DENND5A: variants seen among roughly 807,000 people sequenced by gnomAD.
DENND5A encodes DENN domain containing 5A, also known as DENN domain-containing protein 5A.
Under a neutral mutation model 140.3 loss-of-function variants are expected in DENND5A, and 64 were observed. The observed-to-expected ratio is 0.46, with a 90% confidence interval of 0.37 to 0.56. The LOEUF is 0.56. Among genes scored for constraint, DENND5A ranks in the 20% least tolerant of loss-of-function variants. DENND5A has a pLI of 0.00. For missense variants in DENND5A, 1,292 were observed against 1,593.8 expected, an observed-to-expected ratio of 0.81 and a Z score of 3.22; for synonymous variants, 605 against 607.7, an observed-to-expected ratio of 1.00 and a Z score of 0.07.
chr11:9,238,446 C>T (rs896606990), intron 1 of DENND5A, among the ~76,000 whole-genome samples: 1 of 149,216 alleles, frequency 6.7e-6, no homozygotes, highest in African/African-American at 2.5e-5. Context: ...TTTTGAGATG[C>T]AGTCGCGCTC....
In DENND5A at chr11:9,227,912, G is replaced by A. The variant is rs186931876; in HGVS notation, c.110-20280C>T. On this transcript the variant is annotated intron_variant, in intron 1 of 22. Coordinates refer to ENST00000328194, the MANE Select transcript of DENND5A (RefSeq NM_015213.4). ...GCGAATCACGAGGTCAGGGGTTCGA[G>A]ACCAACCTGGCCAACATGGTGAAAC... 3.4e-3 allele frequency among the ~76,000 whole-genome samples: 522 copies of A among 151,962 alleles called. 2 individuals are homozygous for A. The highest frequency in any genetic ancestry group is 0.012 in the African/African-American group (498 of 41,446).
chr11:9,145,642 CAG>C (rs1847404701), intron 17 of DENND5A, 26 bp downstream of exon 17: 1 of 1,613,328 alleles, frequency 6.2e-7, no homozygotes, highest in Non-Finnish European at 8.5e-7. Flanking sequence ...CAGATCCCCA[CAG>C]AGCTGTGGCC....
intron 1 of DENND5A, 92 bp from the exon 2 acceptor site, chr11:9,207,724 T>C (rs1176472775): frequency 1.1e-6 from 1 of 944,906 alleles, no homozygotes; most frequent in Non-Finnish European, 1.7e-6. Flanking sequence ...ACATTTTACA[T>C]TATGAAACAA....
intron 16 of DENND5A, 78 bp from the exon 17 acceptor site, chr11:9,145,893 AGGAAGGC>A (rs1847416393): frequency 1.3e-6 from 2 of 1,514,040 alleles, no homozygotes; most frequent in African/African-American, 2.7e-5. Context: ...GACCTGCTCC[AGGAAGGC>A]TGGCACAACT....
chr11:9,235,563 T>C (rs1850964047), intron 1 of DENND5A, among the ~76,000 whole-genome samples: 1 of 149,764 alleles, frequency 6.7e-6, no homozygotes, highest in Admixed American at 6.7e-5. Context: ...GAGGCTAAGA[T>C]AGGAGAATTG....
At chr11:9,184,132 C>T (rs932798343) in intron 5 of DENND5A, among the ~76,000 whole-genome samples, 1 of 152,020 alleles carries the variant, frequency 6.6e-6, no homozygotes, top group Non-Finnish European at 1.5e-5. Flanking sequence ...GCGGGCGCAT[C>T]ACAAGGTCAG....
chr11:9,207,365 T>C (rs780833108), intron 2 of DENND5A, among the ~76,000 whole-genome samples, 196 bp downstream of exon 2: 4 of 152,000 alleles, frequency 2.6e-5, no homozygotes, highest in Non-Finnish European at 4.4e-5. Context: ...CTAAAGTATA[T>C]TGAAATAACA....
intron 5 of DENND5A, among the ~76,000 whole-genome samples, chr11:9,190,206 A>G (rs1003890756): frequency 1.3e-4 from 20 of 152,102 alleles, no homozygotes; most frequent in African/African-American, 4.6e-4. Flanking sequence ...ATGAGACTTT[A>G]GACTATGGAC....
chr11:9,167,212 T>C (rs1176701593), intron 10 of DENND5A, among the ~76,000 whole-genome samples: 1 of 152,106 alleles, frequency 6.6e-6, no homozygotes, highest in East Asian at 1.9e-4. Flanking sequence ...CCTTCCCCCA[T>C]ATTTATTCCA....
rs1847377521 is a variant in DENND5A at position 9,145,009 on chromosome 11, T to C, written c.3108A>G (p.Thr1036=). 1 of 1,613,032 alleles carries C rather than the reference T, an allele frequency of 6.2e-7. No homozygotes were observed. The highest frequency in any genetic ancestry group is 1.1e-5 in the South Asian group (1 of 91,044). ...GGTATACTTACTTGTAGGTATGTCC[T>C]GTGATCTCATTCCTGACCATCACAT... ...VEYVMVRNEI[T]GHTYKFPCGR... The change falls in exon 18 of 23, where the codon ACA becomes ACG. Residue 1036 remains threonine, a synonymous_variant. Transcript: ENST00000328194.
intron 1 of DENND5A, among the ~76,000 whole-genome samples, chr11:9,230,556 T>C (rs912970839): frequency 1.3e-5 from 2 of 152,114 alleles, no homozygotes; most frequent in African/African-American, 2.4e-5. Flanking sequence ...TTTCTTCTTG[T>C]TAATTTGTCT....
At chr11:9,240,322 G>C (rs1230603230) in intron 1 of DENND5A, among the ~76,000 whole-genome samples, 1 of 152,138 alleles carries the variant, frequency 6.6e-6, no homozygotes, top group Non-Finnish European at 1.5e-5. Flanking sequence ...TTGAACCCGG[G>C]AGGTGGAGGT....
At position 9,223,219 on chromosome 11, in the gene DENND5A, T is replaced by C. The variant is rs138957318; in HGVS notation, c.110-15587A>G. ...GCCGAAGCAACATAGCAAGACATCA[T>C]CTTTACCAAAAGAAAAAAAAAATTA... On this transcript the variant is annotated intron_variant, in intron 1 of 22. Coordinates refer to ENST00000328194, the MANE Select transcript of DENND5A (RefSeq NM_015213.4). Among the ~76,000 whole-genome samples the C allele has an allele frequency of 6.6e-5, 10 of 151,878 alleles. No homozygotes were observed. In the East Asian group the frequency reaches 1.9e-3, roughly 29 times the overall value.
chr11:9,206,601 C>T (rs867180927), intron 3 of DENND5A, 72 bp downstream of exon 3: 1 of 1,113,614 alleles, frequency 9.0e-7, no homozygotes, highest in Non-Finnish European at 1.4e-6. Flanking sequence ...ACTGCTACCA[C>T]AGCCTGAACT....
Position 9,152,436 on chromosome 11 carries a change from ATTT to A in DENND5A, c.2440_2442del (p.Lys814del). ...TGTAACAGGTGGGACCATAAGGCTG[ATTT>A]CCCCTGGAACCAATGCAAGGGAGAA... On this transcript the variant is annotated inframe_deletion, in exon 13 of 23. Transcript: ENST00000328194. 6.2e-7 allele frequency: 1 copy of A among 1,612,930 alleles called. No individual in the cohort carries two copies. The highest frequency in any genetic ancestry group is 8.5e-7 in the Non-Finnish European group (1 of 1,178,902).
chr11:9,212,486 C>T lies in DENND5A; in HGVS notation c.110-4854G>A, dbSNP rs189798397. Among the ~76,000 whole-genome samples, 5 of 152,104 alleles carry T rather than the reference C, an allele frequency of 3.3e-5. No individual in the cohort carries two copies. In the East Asian group the frequency reaches 7.7e-4, roughly 24 times the overall value. On this transcript the variant is annotated intron_variant, in intron 1 of 22. Transcript: ENST00000328194. ...AATACACAAGTACACCACAGACAAA[C>T]TTCTAGAAACCAATGATAAGAGAGA... is the stretch of plus-strand genomic sequence containing the variant.
chr11:9,174,315 T>C (rs1041362006), intron 8 of DENND5A, among the ~76,000 whole-genome samples: 7 of 151,622 alleles, frequency 4.6e-5, no homozygotes, highest in South Asian at 2.1e-4. Flanking sequence ...AACTGTCAAA[T>C]TGGATAAAAA....
At chr11:9,219,009 A>G (rs1850207712) in intron 1 of DENND5A, among the ~76,000 whole-genome samples, 1 of 152,188 alleles carries the variant, frequency 6.6e-6, no homozygotes, top group Admixed American at 6.5e-5. Context: ...TCCATCTCAA[A>G]AAAATAAATA....
chr11:9,154,258 G>A (rs913752923), intron 12 of DENND5A, among the ~76,000 whole-genome samples: 20 of 152,226 alleles, frequency 1.3e-4, no homozygotes, highest in Middle Eastern at 3.4e-3. Flanking sequence ...ATTGAGGATC[G>A]GAAAGGTTAA....
Sources: allele counts gnomAD v4.1 joint callset (sites outside exome capture counted in the v4.1 genomes callset), GRCh38; gene constraint gnomAD v4.1.1; transcripts MANE v1.5; gene names NCBI Gene and HGNC (gene_info 2026-07-23, HGNC 2026-07-21).